Variants in RARB observed in about 807,000 individuals in gnomAD.
RARB encodes the protein HBV-activated protein.
A neutral mutation model predicts 51.9 loss-of-function variants in RARB; 17 were observed. That is an observed-to-expected ratio of 0.33 (90% CI 0.22 to 0.49). RARB has a LOEUF of 0.49. RARB is among the 20% of genes least tolerant of loss of function. The pLI, the probability that RARB is intolerant of heterozygous loss-of-function variation, is 0.99. For missense variants in RARB, 369 were observed against 550.8 expected, an observed-to-expected ratio of 0.67 and a Z score of 3.30; for synonymous variants, 215 against 195.4, an observed-to-expected ratio of 1.10 and a Z score of -0.84.
intron 5 of RARB, among the ~76,000 whole-genome samples, chr3:25,190,879 CA>C (rs1211483616): frequency 6.6e-6 from 1 of 151,634 alleles, no homozygotes. Flanking sequence ...GATGTGCCAT[CA>C]AAAAAAATCA....
intron 4 of RARB, among the ~76,000 whole-genome samples, chr3:25,574,208 G>A (rs1700828353): frequency 6.6e-6 from 1 of 152,040 alleles, no homozygotes; most frequent in Non-Finnish European, 1.5e-5. Context: ...TGGGCTTTAG[G>A]GCCTCATAAA....
At chr3:24,920,229 A>C (rs886657085) in intron 2 of RARB, among the ~76,000 whole-genome samples, 2 of 152,220 alleles carry the variant, frequency 1.3e-5, no homozygotes, top group Non-Finnish European at 2.9e-5. Flanking sequence ...AGTCCTTAAA[A>C]ATAGTCCACC....
At chr3:25,450,263 C>T (rs1413065059) in intron 1 of RARB, among the ~76,000 whole-genome samples, 3 of 152,116 alleles carry the variant, frequency 2.0e-5, no homozygotes, top group South Asian at 4.1e-4. Context: ...CGGACTTAAT[C>T]CACTTTTCCC....
intron 3 of RARB, among the ~76,000 whole-genome samples, chr3:25,128,821 A>T (rs904608713): frequency 1.3e-5 from 2 of 152,104 alleles, no homozygotes; most frequent in Admixed American, 1.3e-4. Flanking sequence ...ATTTTAAGGA[A>T]GAGATATAGA....
In RARB at chr3:25,018,003, C is replaced by T. The variant is rs531735518; in HGVS notation, c.-379-42122C>T. Among the ~76,000 whole-genome samples the T allele has an allele frequency of 4.6e-5, 7 of 152,270 alleles. No individual in the cohort carries two copies. In the South Asian group the frequency reaches 1.5e-3, roughly 32 times the overall value. On this transcript the variant is annotated intron_variant, in intron 2 of 11. Transcript: ENST00000383772. The stretch of plus-strand genomic sequence containing the variant: ...CAGCCCATCTCTAGACACCAATTTG[C>T]TCACACCTTGGTCTTGGACTACCCA...
At chr3:25,487,606 C>T (rs959182368) in intron 2 of RARB, among the ~76,000 whole-genome samples, 2 of 151,422 alleles carry the variant, frequency 1.3e-5, no homozygotes, top group Admixed American at 6.6e-5. Flanking sequence ...GAGCTTTGAG[C>T]GGATAAAAAT....
At chr3:25,295,545 C>T (rs1169491608) in intron 5 of RARB, among the ~76,000 whole-genome samples, 1 of 152,156 alleles carries the variant, frequency 6.6e-6, no homozygotes, top group Non-Finnish European at 1.5e-5. Flanking sequence ...CCTGGACAAA[C>T]TAAGACATTA....
At chr3:25,340,126 T>C (rs1559363775) in intron 5 of RARB, among the ~76,000 whole-genome samples, 1 of 152,116 alleles carries the variant, frequency 6.6e-6, no homozygotes, top group African/African-American at 2.4e-5. Context: ...TGCAGAGACC[T>C]GCTGACATGT....
intron 2 of RARB, among the ~76,000 whole-genome samples, chr3:25,001,590 G>C (rs576536811): frequency 6.6e-6 from 1 of 152,124 alleles, no homozygotes; most frequent in African/African-American, 2.4e-5. Context: ...CAGAAGATCA[G>C]CTCTTAGCCA....
intron 2 of RARB, among the ~76,000 whole-genome samples, chr3:25,044,740 C>A (rs1162652648): frequency 6.6e-6 from 1 of 152,144 alleles, no homozygotes; most frequent in African/African-American, 2.4e-5. Flanking sequence ...AAGTATCTTT[C>A]TAATATTACT....
intron 5 of RARB, among the ~76,000 whole-genome samples, chr3:25,197,031 C>A (rs142430260): frequency 1.3e-5 from 2 of 151,956 alleles, no homozygotes; most frequent in African/African-American, 4.8e-5. Flanking sequence ...TGTTCACTCT[C>A]ATGGTAGTTT....
chr3:25,146,641 G>A (rs995042633), intron 4 of RARB, among the ~76,000 whole-genome samples: 3 of 151,758 alleles, frequency 2.0e-5, no homozygotes, highest in Non-Finnish European at 2.9e-5. Flanking sequence ...CCCAGTAGCT[G>A]GGACTAGCGC....
intron 5 of RARB, among the ~76,000 whole-genome samples, chr3:25,373,830 T>C (rs1425692948): frequency 6.6e-6 from 1 of 152,120 alleles, no homozygotes; most frequent in Non-Finnish European, 1.5e-5. Flanking sequence ...GTCTTTGTCT[T>C]GGCTGATTTC....
chr3:25,053,685 A>T (rs912249780), intron 2 of RARB, among the ~76,000 whole-genome samples: 1 of 152,178 alleles, frequency 6.6e-6, no homozygotes, highest in Admixed American at 6.6e-5. Context: ...ATAAATGTTG[A>T]TGGAGTTCTG....
chr3:25,108,236 C>T (rs540168879), intron 3 of RARB, among the ~76,000 whole-genome samples: 6 of 152,002 alleles, frequency 3.9e-5, no homozygotes, highest in South Asian at 2.1e-4. Context: ...GATGGTTGAT[C>T]GTGGGTGACT....
intron 5 of RARB, among the ~76,000 whole-genome samples, chr3:25,222,960 A>G (rs1701978521): frequency 6.6e-6 from 1 of 152,210 alleles, no homozygotes; most frequent in Non-Finnish European, 1.5e-5. Flanking sequence ...ACCGTTTAAT[A>G]TCACTTCTGT....
chr3:25,151,991 C>T (rs940123904), intron 4 of RARB, among the ~76,000 whole-genome samples: 1 of 152,036 alleles, frequency 6.6e-6, no homozygotes, highest in Non-Finnish European at 1.5e-5. Flanking sequence ...TTCTTCTTCC[C>T]TCTCTCTTGA....
In RARB at chr3:25,193,968, A is replaced by G. The variant is rs150898990; in HGVS notation, c.178+19393A>G. 5.5e-3 allele frequency among the ~76,000 whole-genome samples: 840 copies of G among 152,032 alleles called. 9 individuals are homozygous for G. Among genetic ancestry groups the G allele is most frequent in the Middle Eastern group, 0.017 (5 of 294 alleles). ...TAGATGAAAACATTTGTATTTTAAT[A>G]TTACACTATTCACAATAGCCAAGAT... On this transcript the variant is annotated intron_variant, in intron 5 of 11. Transcript: ENST00000383772.
chr3:25,326,034 A>T (rs1048881962), intron 5 of RARB, among the ~76,000 whole-genome samples: 2 of 152,152 alleles, frequency 1.3e-5, no homozygotes, highest in South Asian at 2.1e-4. Context: ...AAGGAGATTT[A>T]TTGAGGAAGG....
Sources: gnomAD v4.1 joint callset for allele counts (sites outside exome capture counted in the v4.1 genomes callset) on GRCh38, gnomAD v4.1.1 for gene constraint, MANE v1.5 for transcripts, NCBI Gene and HGNC (gene_info 2026-07-23, HGNC 2026-07-21) for gene names.